NRG3: variants seen among roughly 807,000 people sequenced by gnomAD.
NRG3 encodes pro-neuregulin-3, membrane-bound isoform.
A neutral mutation model predicts 66.9 loss-of-function variants in NRG3; 31 were observed. The ratio of observed to expected loss-of-function variants is 0.46; its 90% CI spans 0.35 to 0.63. The LOEUF is 0.63. Ranked by LOEUF, NRG3 falls within the 20% of genes least tolerant of loss-of-function variation. The pLI, the probability that NRG3 is intolerant of heterozygous loss-of-function variation, is 0.00. For synonymous variants in NRG3, 393 were observed against 359.4 expected, an observed-to-expected ratio of 1.09 and a Z score of -1.06; for missense variants, 910 against 878.9, an observed-to-expected ratio of 1.04 and a Z score of -0.45.
At chr10:82,003,919 G>C (rs565710644) in intron 1 of NRG3, among the ~76,000 whole-genome samples, 204 of 151,750 alleles carry the variant, frequency 1.3e-3, no homozygotes, top group African/African-American at 4.4e-3. Context: ...TCCGGAGGCT[G>C]AAGTGGGAGG....
At chr10:82,867,102 C>T (rs760872523) in intron 4 of NRG3, among the ~76,000 whole-genome samples, 11 of 152,226 alleles carry the variant, frequency 7.2e-5, no homozygotes, top group South Asian at 4.1e-4. Flanking sequence ...ATAGAGCCCA[C>T]GTTATTATAA....
At chr10:82,513,229 A>G (rs1845357505) in intron 2 of NRG3, among the ~76,000 whole-genome samples, 1 of 152,148 alleles carries the variant, frequency 6.6e-6, no homozygotes, top group Non-Finnish European at 1.5e-5. Context: ...TTTCTGCATT[A>G]GTTTGCTGAG....
chr10:82,626,968 G>A (rs2049469048), intron 2 of NRG3, among the ~76,000 whole-genome samples: 2 of 151,788 alleles, frequency 1.3e-5, no homozygotes, highest in Non-Finnish European at 2.9e-5. Context: ...GCTACCTTGA[G>A]AAAGACAGGA....
At chr10:81,960,718 A>G (rs538291889) in intron 1 of NRG3, among the ~76,000 whole-genome samples, 5 of 151,550 alleles carry the variant, frequency 3.3e-5, no homozygotes, top group Admixed American at 6.6e-5. Flanking sequence ...TTCCTTTGCC[A>G]TAGTTGCTGG....
At chr10:82,330,147 A>G (rs543210843) in intron 1 of NRG3, among the ~76,000 whole-genome samples, 3 of 152,308 alleles carry the variant, frequency 2.0e-5, no homozygotes, top group African/African-American at 7.2e-5. Context: ...CACCATTTTT[A>G]AGAATATTTA....
intron 1 of NRG3, among the ~76,000 whole-genome samples, chr10:82,333,751 T>TG (rs1714133607): frequency 6.6e-6 from 1 of 152,206 alleles, no homozygotes; most frequent in African/African-American, 2.4e-5. Flanking sequence ...CTTTTAATTT[T>TG]GGGTGGAGTC....
chr10:82,134,977 T>C (rs2069217069), intron 1 of NRG3, among the ~76,000 whole-genome samples: 1 of 151,762 alleles, frequency 6.6e-6, no homozygotes, highest in Non-Finnish European at 1.5e-5. Flanking sequence ...TACCACAAAA[T>C]TAGCCAGGCG....
At chr10:82,907,381 AC>A (rs994766533) in intron 4 of NRG3, among the ~76,000 whole-genome samples, 48 of 152,270 alleles carry the variant, frequency 3.2e-4, no homozygotes, top group Middle Eastern at 3.4e-3. Flanking sequence ...ATATCATTTT[AC>A]CCCACTTTTA....
intron 1 of NRG3, among the ~76,000 whole-genome samples, chr10:82,042,720 T>C (rs1307944053): frequency 1.3e-5 from 2 of 152,058 alleles, no homozygotes; most frequent in Non-Finnish European, 2.9e-5. Flanking sequence ...CATTTTCAAA[T>C]GAAAAGTGTT....
intron 2 of NRG3, among the ~76,000 whole-genome samples, chr10:82,395,894 C>T (rs1054463257): frequency 2.0e-5 from 3 of 151,992 alleles, no homozygotes; most frequent in African/African-American, 7.3e-5. Context: ...AATGCTCTTA[C>T]CATTAGATAT....
At chr10:82,280,479 A>T (rs1471821946) in intron 1 of NRG3, among the ~76,000 whole-genome samples, 2 of 152,206 alleles carry the variant, frequency 1.3e-5, no homozygotes, top group African/African-American at 2.4e-5. Flanking sequence ...ATCACTGTCA[A>T]ATATCAAAAG....
In NRG3 at chr10:82,360,432, A is replaced by C. The variant is rs144085709; in HGVS notation, c.953+1564A>C. Reference sequence around the variant, plus strand: ...TGTTTGAATTCGTAATCAATTGAAGAAGGGATGAATCAGAAGCATTAGCTA... The same window carrying C: ...TGTTTGAATTCGTAATCAATTGAAGCAGGGATGAATCAGAAGCATTAGCTA... On this transcript the variant is annotated intron_variant, in intron 2 of 8. Transcript: ENST00000372141. Among the ~76,000 whole-genome samples, 3 of 152,338 alleles carry C rather than the reference A, an allele frequency of 2.0e-5. No individual in the cohort carries two copies. The East Asian group carries it at 5.8e-4, about 29-fold the overall frequency.
intron 2 of NRG3, among the ~76,000 whole-genome samples, chr10:82,450,624 A>G (rs1248466045): frequency 6.6e-6 from 1 of 152,192 alleles, no homozygotes; most frequent in East Asian, 1.9e-4. Flanking sequence ...TCAAACCCAA[A>G]GCCACTCTCT....
At chr10:82,621,199 C>A (rs1003337914) in intron 2 of NRG3, among the ~76,000 whole-genome samples, 3 of 152,232 alleles carry the variant, frequency 2.0e-5, no homozygotes, top group Admixed American at 6.5e-5. Flanking sequence ...CAAGGTTTTC[C>A]TATTGTGCTA....
At chr10:82,681,021 G>A (rs907012829) in intron 2 of NRG3, among the ~76,000 whole-genome samples, 16 of 152,198 alleles carry the variant, frequency 1.1e-4, no homozygotes, top group Non-Finnish European at 2.1e-4. Context: ...GAGCCTTGAA[G>A]CCCAGGGTCT....
chr10:82,311,713 A>G (rs1453653073), intron 1 of NRG3, among the ~76,000 whole-genome samples: 1 of 152,100 alleles, frequency 6.6e-6, no homozygotes, highest in Non-Finnish European at 1.5e-5. Flanking sequence ...AACTCATTTA[A>G]TACTCACACC....
At chr10:82,085,190 G>A (rs1260459610) in intron 1 of NRG3, among the ~76,000 whole-genome samples, 2 of 151,986 alleles carry the variant, frequency 1.3e-5, no homozygotes, top group Admixed American at 6.6e-5. Context: ...GATTTCATAG[G>A]GCAAATCTCC....
chr10:82,387,066 C>G (rs1420050180), intron 2 of NRG3, among the ~76,000 whole-genome samples: 1 of 152,234 alleles, frequency 6.6e-6, no homozygotes, highest in East Asian at 1.9e-4. Context: ...TCACAAAGTG[C>G]TGGGATTATA....
At chr10:82,604,057 A>T (rs1333624122) in intron 2 of NRG3, among the ~76,000 whole-genome samples, 1 of 152,160 alleles carries the variant, frequency 6.6e-6, no homozygotes, top group Non-Finnish European at 1.5e-5. Flanking sequence ...CACTATTTTT[A>T]CCTAAAGGCC....
Sources: gnomAD v4.1 joint callset for allele counts (sites outside exome capture counted in the v4.1 genomes callset) on GRCh38, gnomAD v4.1.1 for gene constraint, MANE v1.5 for transcripts, NCBI Gene and HGNC (gene_info 2026-07-23, HGNC 2026-07-21) for gene names.